GAP43: variants seen among roughly 807,000 people sequenced by gnomAD.
GAP43 encodes the protein neuromodulin.
In GAP43, 6 loss-of-function variants were observed where a neutral mutation model predicts 18.6. That is an observed-to-expected ratio of 0.32 (90% CI 0.18 to 0.64). The LOEUF is 0.64. GAP43 is among the 30% of genes least tolerant of loss of function. The probability of loss-of-function intolerance (pLI) is 0.78; values close to 1 mark genes in which losing one functional copy is unlikely to be tolerated. For synonymous variants in GAP43, 115 were observed against 111.4 expected, an observed-to-expected ratio of 1.03 and a Z score of -0.20; for missense variants, 292 against 295.5, an observed-to-expected ratio of 0.99 and a Z score of 0.09.
In GAP43 at chr3:115,720,901, C is replaced by G. The variant is rs1709569495; in HGVS notation, c.*19C>G. ...TGCCTGAACTCTAAGAAATGGCTTTCCACATCCCCACCCTCCCCTCTCCTG... is the reference window on the plus strand; with the variant it reads ...TGCCTGAACTCTAAGAAATGGCTTTGCACATCCCCACCCTCCCCTCTCCTG... On this transcript the variant is annotated 3_prime_UTR_variant, in exon 3 of 3. Coordinates refer to ENST00000305124, the MANE Select transcript of GAP43 (RefSeq NM_002045.4). 6.5e-7 allele frequency: 1 copy of G among 1,545,716 alleles called. No individual in the cohort carries two copies. Among genetic ancestry groups the G allele is most frequent in the Non-Finnish European group, 8.9e-7 (1 of 1,119,306 alleles).
At chr3:115,651,437 A>T (rs900695511) in intron 1 of GAP43, among the ~76,000 whole-genome samples, 6 of 152,196 alleles carry the variant, frequency 3.9e-5, no homozygotes, top group African/African-American at 1.4e-4. Flanking sequence ...TCATTTGGCA[A>T]GATAAATTTT....
rs1412724071 is a variant in GAP43, at chr3:115,698,091, T to A, written c.628+21481T>A. On this transcript the variant is annotated intron_variant, in intron 2 of 2. Transcript: ENST00000305124. Reference sequence around the variant, plus strand: ...TTATATATAATATATAAAATATGTATTATATATAATATATAAAATATATAA... The same window carrying A: ...TTATATATAATATATAAAATATGTAATATATATAATATATAAAATATATAA... Among the ~76,000 whole-genome samples the A allele has an allele frequency of 2.1e-3, 119 of 56,774 alleles. 3 individuals carry two copies. The highest frequency in any genetic ancestry group is 8.9e-3 in the African/African-American group (109 of 12,216). 37.2% of individuals were successfully genotyped at this position (56,774 alleles called of 152,430 possible).
rs576871881 is a variant in GAP43 at position 115,672,076 on chromosome 3, G to A, written c.31-3937G>A. Among the ~76,000 whole-genome samples, 8 of 152,282 alleles carry A rather than the reference G, an allele frequency of 5.3e-5. No individual in the cohort carries two copies. The South Asian group carries it at 1.7e-3, about 32-fold the overall frequency. On this transcript the variant is annotated intron_variant, in intron 1 of 2. Transcript: ENST00000305124. ...CGAGAATGCTGATGTGAAGCCTTAT[G>A]GATTATCTACTACAAGTAAGTCCAA...
At chr3:115,643,120 C>A (rs1708417826) in intron 1 of GAP43, among the ~76,000 whole-genome samples, 1 of 152,080 alleles carries the variant, frequency 6.6e-6, no homozygotes. Context: ...AAATTTCAGG[C>A]TGCCTCTACT....
intron 2 of GAP43, among the ~76,000 whole-genome samples, chr3:115,681,360 A>C (rs1708955783): frequency 6.6e-6 from 1 of 152,208 alleles, no homozygotes; most frequent in Non-Finnish European, 1.5e-5. Flanking sequence ...GTAGCCCTAC[A>C]GTTCTTTCTC....
At chr3:115,651,734 C>G (rs957452082) in intron 1 of GAP43, among the ~76,000 whole-genome samples, 2 of 152,116 alleles carry the variant, frequency 1.3e-5, no homozygotes, top group Non-Finnish European at 1.5e-5. Context: ...CCTCCCTCCC[C>G]CACTGTTCTA....
intron 2 of GAP43, among the ~76,000 whole-genome samples, chr3:115,713,499 C>T (rs1246454746): frequency 6.6e-6 from 1 of 152,218 alleles, no homozygotes; most frequent in Non-Finnish European, 1.5e-5. Flanking sequence ...CTGGGAACAT[C>T]GCCATCCCTC....
intron 1 of GAP43, among the ~76,000 whole-genome samples, chr3:115,653,162 A>G (rs955347198): frequency 6.6e-6 from 1 of 152,236 alleles, no homozygotes; most frequent in South Asian, 2.1e-4. Flanking sequence ...GTACTGGGCT[A>G]GGTGCGGTGG....
intron 2 of GAP43, among the ~76,000 whole-genome samples, chr3:115,683,141 GCGCGCGCACACACACA>G (rs1371756451): frequency 4.2e-4 from 51 of 121,392 alleles, no homozygotes; most frequent in African/African-American, 1.5e-3. Context: ...GCGTGCGCGC[GCGCGCGCACACACACA>G]CACACACACA....
intron 2 of GAP43, among the ~76,000 whole-genome samples, chr3:115,719,377 T>C (rs187977107): frequency 1.3e-5 from 2 of 152,330 alleles, no homozygotes; most frequent in African/African-American, 4.8e-5. Flanking sequence ...TTGAGAAGAT[T>C]CTCATCATTC....
chr3:115,641,541 C>CAG (rs1336847465), intron 1 of GAP43, among the ~76,000 whole-genome samples: 50 of 146,330 alleles, frequency 3.4e-4, no homozygotes, highest in South Asian at 8.9e-4. Context: ...CACACACACA[C>CAG]ACGGTGCTTT....
intron 2 of GAP43, among the ~76,000 whole-genome samples, chr3:115,697,984 C>CGCGTGTGT (rs386356246): frequency 9.0e-6 from 1 of 110,880 alleles, no homozygotes; most frequent in Non-Finnish European, 1.7e-5. Context: ...AGTACATGTG[C>CGCGTGTGT]GTGTGTGTGT....
At chr3:115,663,222 C>T (rs1439782910) in intron 1 of GAP43, among the ~76,000 whole-genome samples, 1 of 152,124 alleles carries the variant, frequency 6.6e-6, no homozygotes, top group Non-Finnish European at 1.5e-5. Flanking sequence ...TCCTTATATA[C>T]CTCACTACAA....
At chr3:115,643,467 C>A (rs1708422826) in intron 1 of GAP43, among the ~76,000 whole-genome samples, 1 of 152,058 alleles carries the variant, frequency 6.6e-6, no homozygotes, top group South Asian at 2.1e-4. Context: ...ACTGAAAAAT[C>A]TTACTGATGT....
intron 1 of GAP43, among the ~76,000 whole-genome samples, chr3:115,641,605 C>G (rs1394097047): frequency 4.0e-5 from 6 of 151,380 alleles, no homozygotes; most frequent in African/African-American, 1.5e-4. Context: ...CCTCTGTTTT[C>G]AATTTCACAA....
At chr3:115,670,101 G>T (rs538095065) in intron 1 of GAP43, among the ~76,000 whole-genome samples, 3 of 132,764 alleles carry the variant, frequency 2.3e-5, no homozygotes, top group African/African-American at 8.6e-5. Flanking sequence ...ACCCACTAAC[G>T]TGTCATCTAG....
intron 1 of GAP43, chr3:115,663,554 C>T: frequency 7.8e-7 from 1 of 1,285,236 alleles, no homozygotes; most frequent in Non-Finnish European, 9.8e-7. Flanking sequence ...GGGTTGTTTT[C>T]AACATCTCAA....
chr3:115,668,268 A>G (rs980207925), intron 1 of GAP43, among the ~76,000 whole-genome samples: 29 of 152,234 alleles, frequency 1.9e-4, no homozygotes, highest in African/African-American at 6.7e-4. Context: ...GGGCTCTTCC[A>G]ACCCCTGTTT....
chr3:115,710,738 TA>T (rs965609266), intron 2 of GAP43, among the ~76,000 whole-genome samples: 1 of 151,986 alleles, frequency 6.6e-6, no homozygotes, highest in African/African-American at 2.4e-5. Context: ...GAAAACTGGG[TA>T]AAAAAAATAG....
Sources: allele counts gnomAD v4.1 joint callset (sites outside exome capture counted in the v4.1 genomes callset), GRCh38; gene constraint gnomAD v4.1.1; transcripts MANE v1.5; gene names NCBI Gene and HGNC (gene_info 2026-07-23, HGNC 2026-07-21).